The following EXOC6B variants were observed in gnomAD, a reference collection of about 807,000 sequenced individuals.
EXOC6B encodes exocyst complex component 6B.
EXOC6B carries 54 observed loss-of-function variants against 113.5 expected under a neutral mutation model. That is an observed-to-expected ratio of 0.48 (90% CI 0.38 to 0.60). The LOEUF (loss-of-function observed/expected upper bound fraction) is 0.60. Ranked by LOEUF, EXOC6B falls within the 20% of genes least tolerant of loss-of-function variation. The probability of loss-of-function intolerance (pLI) is 0.00; values close to 1 mark genes in which losing one functional copy is unlikely to be tolerated. For missense variants in EXOC6B, 797 were observed against 977.5 expected (o/e 0.82, Z 2.46); for synonymous variants, 357 against 339.0 (o/e 1.05, Z -0.58).
intron 8 of EXOC6B, among the ~76,000 whole-genome samples, chr2:72,529,236 T>C (rs1327355833): frequency 6.6e-6 from 1 of 152,222 alleles, no homozygotes; most frequent in Admixed American, 6.5e-5. Context: ...AAATCATGAA[T>C]GTGTTTCGGA....
chr2:72,419,601 T>C (rs961284492), intron 18 of EXOC6B, among the ~76,000 whole-genome samples: 1 of 152,164 alleles, frequency 6.6e-6, no homozygotes, highest in Non-Finnish European at 1.5e-5. Context: ...GTTTGTTTTT[T>C]CTTTTAACAC....
chr2:72,445,203 A>G (rs916810973), intron 18 of EXOC6B, among the ~76,000 whole-genome samples: 8 of 152,314 alleles, frequency 5.3e-5, no homozygotes, highest in Non-Finnish European at 1.0e-4. Flanking sequence ...AAACATAACA[A>G]GAGTGACCAT....
chr2:72,635,952 G>A (rs1284985846), intron 6 of EXOC6B, among the ~76,000 whole-genome samples: 2 of 152,080 alleles, frequency 1.3e-5, no homozygotes, highest in Non-Finnish European at 2.9e-5. Flanking sequence ...TACAACAGAA[G>A]AAAGGAAATC....
chr2:72,449,753 C>G (rs1431336008), intron 18 of EXOC6B, among the ~76,000 whole-genome samples: 2 of 152,058 alleles, frequency 1.3e-5, no homozygotes, highest in African/African-American at 2.4e-5. Flanking sequence ...TTGTGGCAAA[C>G]TATATACCAA....
chr2:72,679,507 G>C (rs1676538860), intron 6 of EXOC6B, among the ~76,000 whole-genome samples: 1 of 152,174 alleles, frequency 6.6e-6, no homozygotes, highest in East Asian at 1.9e-4. Flanking sequence ...AATCTGTCAA[G>C]ATTATGTTTT....
intron 18 of EXOC6B, among the ~76,000 whole-genome samples, chr2:72,425,864 A>G (rs1351177006): frequency 1.3e-5 from 2 of 152,192 alleles, no homozygotes; most frequent in South Asian, 2.1e-4. Flanking sequence ...TACAGATATT[A>G]TAGTGTCACT....
chr2:72,798,711 A>C (rs1342708396), intron 1 of EXOC6B, among the ~76,000 whole-genome samples: 1 of 152,200 alleles, frequency 6.6e-6, no homozygotes, highest in East Asian at 1.9e-4. Flanking sequence ...ACTGAGCCAC[A>C]AAAGATAGGG....
At chr2:72,459,067 GA>G (rs1298149721) in intron 18 of EXOC6B, among the ~76,000 whole-genome samples, 4 of 151,640 alleles carry the variant, frequency 2.6e-5, no homozygotes, top group Non-Finnish European at 5.9e-5. Context: ...AAGAAATAAG[GA>G]TAAACCCAGC....
At chr2:72,409,589 C>G (rs1215005812) in intron 18 of EXOC6B, among the ~76,000 whole-genome samples, 1 of 151,970 alleles carries the variant, frequency 6.6e-6, no homozygotes, top group Non-Finnish European at 1.5e-5. Context: ...AAGCTGGAAA[C>G]CATCATTCTC....
chr2:72,590,665 T>C (rs1339628010), intron 6 of EXOC6B, among the ~76,000 whole-genome samples: 1 of 151,984 alleles, frequency 6.6e-6, no homozygotes, highest in Non-Finnish European at 1.5e-5. Context: ...CTTCCTTCCA[T>C]AATCTAATGT....
intron 20 of EXOC6B, among the ~76,000 whole-genome samples, chr2:72,286,742 G>A (rs1347706299): frequency 1.3e-5 from 2 of 151,846 alleles, no homozygotes; most frequent in Non-Finnish European, 2.9e-5. Context: ...ATGTAGAGGG[G>A]GCAAGAAGTA....
chr2:72,446,228 A>T (rs1461347979), intron 18 of EXOC6B, among the ~76,000 whole-genome samples: 1 of 152,140 alleles, frequency 6.6e-6, no homozygotes. Flanking sequence ...ACATTAAATC[A>T]ACCTAAATGC....
chr2:72,798,146 T>A lies in EXOC6B; in HGVS notation c.113+27652A>T, dbSNP rs1039150195. Among the ~76,000 whole-genome samples, 53 of 152,144 alleles carry A rather than the reference T, an allele frequency of 3.5e-4. 1 individual carries two copies. The highest frequency in any genetic ancestry group is 1.2e-3 in the African/African-American group (51 of 41,418). ...TGACAAAGTAGATATTTAAGAAATG[T>A]TTATAAACCAAATAAATAAGAACAC... On this transcript the variant is annotated intron_variant, in intron 1 of 21. Coordinates refer to ENST00000272427, the MANE Select transcript of EXOC6B (RefSeq NM_015189.3).
At chr2:72,264,510 G>T (rs1446076118) in intron 20 of EXOC6B, among the ~76,000 whole-genome samples, 2 of 152,162 alleles carry the variant, frequency 1.3e-5, no homozygotes, top group Non-Finnish European at 2.9e-5. Flanking sequence ...GGCAGAGGCT[G>T]CAGTGAGCCA....
At chr2:72,275,506 T>G (rs772615938) in intron 20 of EXOC6B, among the ~76,000 whole-genome samples, 1 of 152,212 alleles carries the variant, frequency 6.6e-6, no homozygotes, top group Non-Finnish European at 1.5e-5. Context: ...AAAGTGAGCA[T>G]GTCAAGTCAT....
intron 17 of EXOC6B, among the ~76,000 whole-genome samples, chr2:72,468,868 T>C (rs1268538283): frequency 6.6e-6 from 1 of 152,182 alleles, no homozygotes; most frequent in African/African-American, 2.4e-5. Context: ...TATACTTTCA[T>C]CTTTACATTA....
At chr2:72,331,086 G>T (rs1292465280) in intron 20 of EXOC6B, among the ~76,000 whole-genome samples, 2 of 152,062 alleles carry the variant, frequency 1.3e-5, no homozygotes, top group Non-Finnish European at 2.9e-5. Flanking sequence ...CCAACATGGG[G>T]TAATTTATTT....
At chr2:72,282,151 A>AT (rs1293313404) in intron 20 of EXOC6B, among the ~76,000 whole-genome samples, 1 of 152,142 alleles carries the variant, frequency 6.6e-6, no homozygotes, top group Non-Finnish European at 1.5e-5. Flanking sequence ...TAAAATAAAT[A>AT]TTTTTTAAAA....
At chr2:72,405,553 T>A (rs1166534932) in intron 18 of EXOC6B, among the ~76,000 whole-genome samples, 1 of 152,212 alleles carries the variant, frequency 6.6e-6, no homozygotes, top group Middle Eastern at 3.2e-3. Flanking sequence ...ATATTCAACA[T>A]TCTTACAGAA....
Sources: gnomAD v4.1 joint callset for allele counts (sites outside exome capture counted in the v4.1 genomes callset) on GRCh38, gnomAD v4.1.1 for gene constraint, MANE v1.5 for transcripts, NCBI Gene and HGNC (gene_info 2026-07-23, HGNC 2026-07-21) for gene names.